The following IGSF3 variants were observed in gnomAD, a reference collection of about 807,000 sequenced individuals.
IGSF3 encodes immunoglobulin superfamily member 3, also known as glu-Trp-Ile EWI motif-containing protein 3.
IGSF3 carries 23 observed loss-of-function variants against 114.4 expected under a neutral mutation model. That is an observed-to-expected ratio of 0.20 (90% confidence interval 0.14 to 0.28). The LOEUF (loss-of-function observed/expected upper bound fraction) is 0.28, where lower values mean the gene tolerates loss of function less well. IGSF3 is among the 10% of genes least tolerant of loss of function. IGSF3 has a pLI of 1.00. For synonymous variants in IGSF3, 571 were observed against 645.2 expected, an observed-to-expected ratio of 0.88 and a Z score of 1.74; for missense variants, 1,172 against 1,591.5, an observed-to-expected ratio of 0.74 and a Z score of 4.48.
rs1339414782 is a variant in IGSF3, at chr1:116,585,203, C to G, written c.2441-151G>C. On this transcript the variant is annotated intron_variant, in intron 8 of 10. Transcript: ENST00000369486. This position sits in a 1 kb window ranked among gnomAD's most constrained non-coding sequence, Gnocchi z 4.9. ...AGAAACGTTTCTCAGATGTGGCTCC[C>G]TAAACATTCTGAGTTCCTTGATCGT... 1.7e-6 allele frequency: 1 copy of G among 584,240 alleles called. No individual in the cohort carries two copies. Among genetic ancestry groups the G allele is most frequent in the Non-Finnish European group, 2.9e-6 (1 of 344,016 alleles). The allele number at this position is 584,240 out of a possible 1,614,324, so 36.2% of individuals were successfully genotyped here.
rs12096726 is a variant in IGSF3, at chr1:116,614,386, C to T, written c.422-211G>A. ...GAAATGCATTATTTTGGTGCTTACA[C>T]TTACCTGTCTGGTATTTTAATAACA... On this transcript the variant is annotated intron_variant, in intron 3 of 10. Coordinates refer to ENST00000369486, the MANE Select transcript of IGSF3 (RefSeq NM_001007237.3). The surrounding 1 kb of genome is among the most constrained non-coding windows in gnomAD (Gnocchi z 4.5). Among the ~76,000 whole-genome samples the T allele has an allele frequency of 0.067, 10,209 of 152,256 alleles. 1,125 individuals are homozygous for T. Among genetic ancestry groups the T allele is most frequent in the African/African-American group, 0.23 (9,541 of 41,496 alleles).
intron 2 of IGSF3, among the ~76,000 whole-genome samples, chr1:116,621,215 T>A (rs1661406048): frequency 6.6e-6 from 1 of 152,144 alleles, no homozygotes; most frequent in African/African-American, 2.4e-5. Context: ...TTTCCTGTGG[T>A]TGCCCCAGAA....
intron 2 of IGSF3, among the ~76,000 whole-genome samples, chr1:116,623,462 G>A (rs1661479927): frequency 6.6e-6 from 1 of 151,962 alleles, no homozygotes; most frequent in African/African-American, 2.4e-5. Context: ...AAGGCAGATG[G>A]ATCACTTGAG....
In IGSF3 at chr1:116,588,964, C is replaced by T. The variant is rs368719437; in HGVS notation, c.2170G>A (p.Asp724Asn). ...TTCAGGATAAGCTTGCCATCGGCAT[C>T]CGAGGGCTTGTGGACATACCAGAGC... ...AVLWYVHKPS[D>N]ADGKLILKTT... Residue 724 changes from aspartate to asparagine, a missense_variant, in exon 8 of 11, where the codon GAT (aspartate) becomes AAT (asparagine). This residue lies in a region of IGSF3 where 736 missense variants were observed against 1,042.0 expected (regional missense o/e 0.71). Transcript: ENST00000369486. This position sits in a 1 kb window ranked among gnomAD's most constrained non-coding sequence, Gnocchi z 4.9. 14 of 1,614,100 alleles carry T rather than the reference C, an allele frequency of 8.7e-6. No homozygotes were observed. The highest frequency in any genetic ancestry group is 1.7e-5 in the Admixed American group (1 of 60,012).
At position 116,666,443 on chromosome 1, in the gene IGSF3, C is replaced by A; in HGVS notation, c.-117G>T. ...GAACAGTTTTGGAAATAGAACTTAA[C>A]TCGGAAAATGGGAACAGATTAAAAA... is the stretch of plus-strand genomic sequence containing the variant. On this transcript the variant is annotated 5_prime_UTR_variant, in exon 2 of 11. Coordinates refer to ENST00000369486, the MANE Select transcript of IGSF3 (RefSeq NM_001007237.3). 1.1e-6 allele frequency: 1 copy of A among 937,100 alleles called. No homozygotes were observed. The highest frequency in any genetic ancestry group is 1.7e-6 in the Non-Finnish European group (1 of 574,226). 58.0% of individuals were successfully genotyped at this position (937,100 alleles called of 1,614,324 possible). A position where few individuals can be genotyped will look rare whatever the true frequency, so the allele number is the denominator to read the frequency against.
chr1:116,586,207 T>C (rs772047746), intron 8 of IGSF3, among the ~76,000 whole-genome samples: 1 of 152,240 alleles, frequency 6.6e-6, no homozygotes, highest in Non-Finnish European at 1.5e-5. Context: ...ACAACATTCA[T>C]GATTACTTTT....
In IGSF3 at chr1:116,634,951, G is replaced by A. The variant is rs979457443; in HGVS notation, c.44-18494C>T. On this transcript the variant is annotated intron_variant, in intron 2 of 10. Transcript: ENST00000369486. The surrounding 1 kb of genome is among the most constrained non-coding windows in gnomAD (Gnocchi z 4.2). ...ACAAGGTGAAGAGAATGAGATGCCA[G>A]TCTCCACTGCTCCAGTTGTCTAGTG... Among the ~76,000 whole-genome samples, 3 of 152,166 alleles carry A rather than the reference G, an allele frequency of 2.0e-5. No individual in the cohort carries two copies. Among genetic ancestry groups the A allele is most frequent in the South Asian group, 2.1e-4 (1 of 4,820 alleles).
chr1:116,631,974 C>T (rs1358254138), intron 2 of IGSF3, among the ~76,000 whole-genome samples: 1 of 152,204 alleles, frequency 6.6e-6, no homozygotes, highest in Non-Finnish European at 1.5e-5. Flanking sequence ...GACCCTATAA[C>T]TCCCAAATAA....
At chr1:116,626,829 G>C (rs1254472349) in intron 2 of IGSF3, among the ~76,000 whole-genome samples, 1 of 152,142 alleles carries the variant, frequency 6.6e-6, no homozygotes, top group Non-Finnish European at 1.5e-5. Context: ...TCATGCGAAA[G>C]ACAGCACAGA....
intron 9 of IGSF3, among the ~76,000 whole-genome samples, chr1:116,580,898 C>A (rs1401808633): frequency 6.6e-6 from 1 of 152,238 alleles, no homozygotes; most frequent in Non-Finnish European, 1.5e-5. Context: ...AGGAAGCATT[C>A]TTCCCTAGAG....
Position 116,603,829 on chromosome 1 carries a change from C to A in IGSF3, c.1419G>T (p.Ser473=). Residue 473 remains serine (S), a synonymous_variant, in exon 6 of 11, where the codon TCG becomes TCT. Coordinates refer to ENST00000369486, the MANE Select transcript of IGSF3 (RefSeq NM_001007237.3). The surrounding 1 kb of genome is among the most constrained non-coding windows in gnomAD (Gnocchi z 7.1). The stretch of plus-strand genomic sequence containing the variant: ...CAAAGCTGCTGCGCTCCCAGTAGGA[C>A]GAGCCTGGCTGCACGGTGCCATCCC... ...LDRDGTVQPG[S]SYWERSSFGG... 1 of 1,614,028 alleles carries A rather than the reference C, an allele frequency of 6.2e-7. No individual in the cohort carries two copies. The highest frequency in any genetic ancestry group is 1.1e-5 in the South Asian group (1 of 91,082).
At position 116,588,024 on chromosome 1, in the gene IGSF3, G is replaced by A. The variant is rs1050981727; in HGVS notation, c.2440+670C>T. 6.6e-6 allele frequency among the ~76,000 whole-genome samples: 1 copy of A among 152,228 alleles called. No individual in the cohort carries two copies. Among genetic ancestry groups the A allele is most frequent in the Non-Finnish European group, 1.5e-5 (1 of 68,038 alleles). ...CGCAGACTTCTCTTTGGTTGTTCCA[G>A]GGGCAGATCTAAAAAGGGAAATTAC... On this transcript the variant is annotated intron_variant, in intron 8 of 10. Transcript: ENST00000369486. The surrounding 1 kb of genome is among the most constrained non-coding windows in gnomAD (Gnocchi z 4.9).
chr1:116,628,379 C>T lies in IGSF3; in HGVS notation c.44-11922G>A, dbSNP rs1009978579. ...TTCTCAGCGCAAATTCCCCAGAAAG[C>T]AATCTGACTGGCTGGGAGACTTTTT... On this transcript the variant is annotated intron_variant, in intron 2 of 10. Coordinates refer to ENST00000369486, the MANE Select transcript of IGSF3 (RefSeq NM_001007237.3). This position sits in a 1 kb window ranked among gnomAD's most constrained non-coding sequence, Gnocchi z 4.2. Among the ~76,000 whole-genome samples, 3 of 152,156 alleles carry T rather than the reference C, an allele frequency of 2.0e-5. No individual in the cohort carries two copies. Among genetic ancestry groups the T allele is most frequent in the Admixed American group, 1.3e-4 (2 of 15,284 alleles).
intron 2 of IGSF3, among the ~76,000 whole-genome samples, chr1:116,640,037 C>CAAAAAAAA (rs34003833): frequency 5.6e-4 from 36 of 64,756 alleles, no homozygotes; most frequent in East Asian, 1.1e-3. Flanking sequence ...GACTCTATCT[C>CAAAAAAAA]AAAAAAAAAA....
rs1659416902 is a variant in IGSF3, at chr1:116,577,799, G to A, written c.3335-237C>T. ...CAAAGCAATGCTTCTGTTTTCCATT[G>A]AGAGCCATTATTGCTGCTTGGAAAG... On this transcript the variant is annotated intron_variant, in intron 10 of 10. Transcript: ENST00000369486. This position sits in a 1 kb window ranked among gnomAD's most constrained non-coding sequence, Gnocchi z 5.7. Among the ~76,000 whole-genome samples the A allele has an allele frequency of 6.6e-6, 1 of 152,106 alleles. No homozygotes were observed. The highest frequency in any genetic ancestry group is 6.6e-5 in the Admixed American group (1 of 15,256).
rs1451032170 is a variant in IGSF3 at position 116,577,737 on chromosome 1, C to T, written c.3335-175G>A. Among the ~76,000 whole-genome samples the T allele has an allele frequency of 1.3e-5, 2 of 152,124 alleles. No individual in the cohort carries two copies. The highest frequency in any genetic ancestry group is 4.8e-5 in the African/African-American group (2 of 41,414). Reference sequence around the variant, plus strand: ...AAGATGACCCTTATATTCTTTTTCTCGCAACACCTCTCCTAATTTACGGCT... The same window carrying T: ...AAGATGACCCTTATATTCTTTTTCTTGCAACACCTCTCCTAATTTACGGCT... On this transcript the variant is annotated intron_variant, in intron 10 of 10. Transcript: ENST00000369486. The surrounding 1 kb of genome is among the most constrained non-coding windows in gnomAD (Gnocchi z 5.7).
Position 116,664,855 on chromosome 1 carries a change from T to C in IGSF3, c.43+1429A>G, listed in dbSNP as rs1292471904. 6.6e-6 allele frequency among the ~76,000 whole-genome samples: 1 copy of C among 152,194 alleles called. No individual in the cohort carries two copies. The highest frequency in any genetic ancestry group is 1.5e-5 in the Non-Finnish European group (1 of 68,024). Reference sequence around the variant, plus strand: ...CACCCACTGGTTCTCTACTGAACCATGCATGGAATTACCTGAGATAGCTCA... The same window carrying C: ...CACCCACTGGTTCTCTACTGAACCACGCATGGAATTACCTGAGATAGCTCA... On this transcript the variant is annotated intron_variant, in intron 2 of 10. Coordinates refer to ENST00000369486, the MANE Select transcript of IGSF3 (RefSeq NM_001007237.3). This position sits in a 1 kb window ranked among gnomAD's most constrained non-coding sequence, Gnocchi z 4.6.
At chr1:116,631,187 G>A (rs1182850064) in intron 2 of IGSF3, among the ~76,000 whole-genome samples, 5 of 149,694 alleles carry the variant, frequency 3.3e-5, no homozygotes, top group Admixed American at 2.0e-4. Flanking sequence ...GAGCGGTGGC[G>A]GGCTCCTGTA....
rs748633506 is a variant in IGSF3, at chr1:116,600,288, G to A, written c.1682C>T (p.Ser561Phe). Residue 561 changes from serine to phenylalanine, a missense_variant, in exon 7 of 11, where the codon TCC (serine) becomes TTC (phenylalanine). Coordinates refer to ENST00000369486, the MANE Select transcript of IGSF3 (RefSeq NM_001007237.3). The surrounding 1 kb of genome is among the most constrained non-coding windows in gnomAD (Gnocchi z 5.5). ...SRTPGVTYSDSFDLQCIIKPH... is the reference protein window; with the variant it reads ...SRTPGVTYSDFFDLQCIIKPH... ...TTTGATGATACACTGCAAGTCAAAGGAGTCGCTGTAGGTCACCCCCGGTGT... is the reference window on the plus strand; with the variant it reads ...TTTGATGATACACTGCAAGTCAAAGAAGTCGCTGTAGGTCACCCCCGGTGT... The A allele has an allele frequency of 1.3e-5, 21 of 1,613,622 alleles. No individual in the cohort carries two copies. In the East Asian group the frequency reaches 4.0e-4, roughly 31 times the overall value.
Sources: gnomAD v4.1 joint callset for allele counts (sites outside exome capture counted in the v4.1 genomes callset) on GRCh38, gnomAD v4.1.1 for gene constraint, gnomAD v4.1.1 regional missense constraint, Gnocchi (gnomAD v3.1) non-coding constraint, MANE v1.5 for transcripts, NCBI Gene and HGNC (gene_info 2026-07-23, HGNC 2026-07-21) for gene names.